The following BTRC variants were observed in gnomAD, a reference collection of about 807,000 sequenced individuals.
The protein encoded by BTRC is F-box/WD repeat-containing protein 1A.
BTRC carries 42 observed loss-of-function variants against 85.5 expected under a neutral mutation model. The observed-to-expected ratio is 0.49, with a 90% CI of 0.38 to 0.64. The LOEUF (loss-of-function observed/expected upper bound fraction) is 0.64, where lower values mean the gene tolerates loss of function less well. BTRC is among the 30% of genes least tolerant of loss of function. BTRC has a pLI of 0.00. For synonymous variants in BTRC, 255 were observed against 263.3 expected (o/e 0.97, Z 0.30); for missense variants, 594 against 743.5 (o/e 0.80, Z 2.34).
At chr10:101,354,148 C>G, upstream of BTRC, 1 of 1,548,014 alleles carries the variant, frequency 6.5e-7, no homozygotes, top group Non-Finnish European at 8.7e-7. Flanking sequence ...GGGGCGGCCC[C>G]GGCGGAGAGC....
chr10:101,517,303 A>G (rs1308813832), intron 4 of BTRC, among the ~76,000 whole-genome samples: 1 of 152,210 alleles, frequency 6.6e-6, no homozygotes, highest in Non-Finnish European at 1.5e-5. Flanking sequence ...TTACTTTGTA[A>G]AGAGCCCTGT....
intron 1 of BTRC, among the ~76,000 whole-genome samples, chr10:101,374,263 T>C (rs1210646553): frequency 1.3e-5 from 2 of 152,134 alleles, no homozygotes; most frequent in African/African-American, 2.4e-5. Flanking sequence ...TTCTGACTGG[T>C]GTGAGATGGT....
At chr10:101,546,991 G>T (rs915101790) in intron 13 of BTRC, among the ~76,000 whole-genome samples, 1 of 152,142 alleles carries the variant, frequency 6.6e-6, no homozygotes, top group Non-Finnish European at 1.5e-5. Flanking sequence ...AAAACAGAAT[G>T]AATAACTTAC....
At chr10:101,477,154 T>G (rs1945711655) in intron 3 of BTRC, among the ~76,000 whole-genome samples, 1 of 152,164 alleles carries the variant, frequency 6.6e-6, no homozygotes, top group South Asian at 2.1e-4. Flanking sequence ...ATTTTTTTAT[T>G]TTTTTATTTT....
At chr10:101,444,310 TC>T (rs1170708170) in intron 2 of BTRC, among the ~76,000 whole-genome samples, 3 of 152,222 alleles carry the variant, frequency 2.0e-5, no homozygotes, top group Admixed American at 2.0e-4. Context: ...ATCCTTGTTG[TC>T]TTCAGAACTG....
At chr10:101,461,505 A>G (rs1207013938) in intron 2 of BTRC, among the ~76,000 whole-genome samples, 1 of 152,306 alleles carries the variant, frequency 6.6e-6, no homozygotes, top group African/African-American at 2.4e-5. Context: ...TTTAAGTCCT[A>G]TGCTACTTTT....
intron 1 of BTRC, among the ~76,000 whole-genome samples, chr10:101,375,064 G>A (rs191435899): frequency 2.0e-5 from 3 of 152,260 alleles, no homozygotes; most frequent in African/African-American, 4.8e-5. Flanking sequence ...GTGTGTGGAC[G>A]CAGGGGAACT....
intron 1 of BTRC, among the ~76,000 whole-genome samples, chr10:101,392,180 A>C (rs1943252358): frequency 6.6e-6 from 1 of 152,086 alleles, no homozygotes; most frequent in South Asian, 2.1e-4. Context: ...GGGTTTCACC[A>C]TGTTGGTCAG....
intron 1 of BTRC, among the ~76,000 whole-genome samples, chr10:101,418,478 A>G (rs1394523661): frequency 2.1e-5 from 3 of 144,500 alleles, no homozygotes; most frequent in Admixed American, 1.4e-4. Context: ...AATTTTTCAA[A>G]AATATATAGA....
intron 6 of BTRC, among the ~76,000 whole-genome samples, chr10:101,526,807 T>C (rs571225833): frequency 6.6e-6 from 1 of 152,328 alleles, no homozygotes; most frequent in South Asian, 2.1e-4. Flanking sequence ...ATAAGAACTC[T>C]AGCCATCAGA....
intron 1 of BTRC, among the ~76,000 whole-genome samples, chr10:101,367,531 C>T (rs1051470329): frequency 2.0e-5 from 3 of 152,104 alleles, no homozygotes; most frequent in East Asian, 3.9e-4. Flanking sequence ...AACACATCTT[C>T]GTAACCATTA....
chr10:101,549,502 C>G (rs2062613081), intron 13 of BTRC, among the ~76,000 whole-genome samples: 1 of 151,116 alleles, frequency 6.6e-6, no homozygotes, highest in South Asian at 2.1e-4. Context: ...ATCACGAGGT[C>G]AGGAGATCAA....
At chr10:101,370,712 G>T (rs1002026505) in intron 1 of BTRC, among the ~76,000 whole-genome samples, 2 of 150,174 alleles carry the variant, frequency 1.3e-5, no homozygotes, top group African/African-American at 4.9e-5. Context: ...GGGACTACAG[G>T]CATGTACCAC....
chr10:101,495,252 G>C (rs1177490231), intron 4 of BTRC, among the ~76,000 whole-genome samples: 2 of 152,122 alleles, frequency 1.3e-5, no homozygotes, highest in African/African-American at 2.4e-5. Context: ...GGAACATAAT[G>C]TTGCCACAAA....
intron 4 of BTRC, among the ~76,000 whole-genome samples, chr10:101,482,827 A>G (rs925104603): frequency 6.6e-6 from 1 of 152,104 alleles, no homozygotes; most frequent in African/African-American, 2.4e-5. Flanking sequence ...CATCTGCTGC[A>G]TTGATATGGC....
rs748703752 is a variant in BTRC at position 101,431,070 on chromosome 10, C to CTTTTTTTTTTTTT, written c.156+630_156+642dup. On this transcript the variant is annotated intron_variant, in intron 2 of 14. Coordinates refer to ENST00000370187, the MANE Select transcript of BTRC (RefSeq NM_033637.4). ...CAGATTCCAGTTCCCCTCAGCCTTT[C>CTTTTTTTTTTTTT]TTTTTTTTTTTTTTTTTTTTTTTTG... 5.3e-4 allele frequency among the ~76,000 whole-genome samples: 38 copies of CTTTTTTTTTTTTT among 71,294 alleles called. 2 individuals are homozygous for CTTTTTTTTTTTTT. The highest frequency in any genetic ancestry group is 2.1e-3 in the African/African-American group (36 of 17,446). 46.8% of individuals were successfully genotyped at this position (71,294 alleles called of 152,430 possible).
intron 3 of BTRC, among the ~76,000 whole-genome samples, chr10:101,470,678 C>G (rs1178015371): frequency 6.6e-6 from 1 of 152,288 alleles, no homozygotes; most frequent in Non-Finnish European, 1.5e-5. Flanking sequence ...CCTAAGAAAT[C>G]TTTGTCTACC....
In BTRC at chr10:101,521,861, G is replaced by T. The variant is rs2062110564; in HGVS notation, c.547G>T (p.Ala183Ser). ...KPMLQRDFIT[A>S]LPARGLDHIA... is the part of the protein sequence containing the mutation. ...TATGTTGCAGAGAGATTTCATAACT[G>T]CTCTGCCAGGTATGTCTACAAGTGT... is the stretch of plus-strand genomic sequence containing the variant. Residue 183 changes from alanine to serine, a missense_variant, in exon 5 of 15, where the codon GCT (alanine) becomes TCT (serine). By Grantham distance (99) the Ala-to-Ser change is moderately conservative. Transcript: ENST00000370187. 6.2e-7 allele frequency: 1 copy of T among 1,607,746 alleles called. No individual in the cohort carries two copies. Among genetic ancestry groups the T allele is most frequent in the Non-Finnish European group, 8.5e-7 (1 of 1,174,348 alleles).
chr10:101,386,268 A>T (rs913514440), intron 1 of BTRC, among the ~76,000 whole-genome samples: 1 of 152,226 alleles, frequency 6.6e-6, no homozygotes, highest in Non-Finnish European at 1.5e-5. Flanking sequence ...CAGCAAGGTC[A>T]GTTTACTCTA....
Sources: allele counts gnomAD v4.1 joint callset (sites outside exome capture counted in the v4.1 genomes callset), GRCh38; gene constraint gnomAD v4.1.1; transcripts MANE v1.5; gene names NCBI Gene and HGNC (gene_info 2026-07-23, HGNC 2026-07-21).